ITGBL1: variants seen among roughly 807,000 people sequenced by gnomAD.
The protein encoded by ITGBL1 is integrin subunit beta like 1.
Under a neutral mutation model 68.5 loss-of-function variants are expected in ITGBL1, and 51 were observed. That is an observed-to-expected ratio of 0.74 (90% CI 0.59 to 0.94). The LOEUF (loss-of-function observed/expected upper bound fraction) is 0.94, where lower values mean the gene tolerates loss of function less well. Ranked by LOEUF, ITGBL1 falls within the 40% of genes least tolerant of loss-of-function variation. The pLI is 0.00. For synonymous variants in ITGBL1, 209 were observed against 227.3 expected, an observed-to-expected ratio of 0.92 and a Z score of 0.72; for missense variants, 649 against 647.4, an observed-to-expected ratio of 1.00 and a Z score of -0.03.
At chr13:101,486,269 A>T (rs1173736896) in intron 2 of ITGBL1, among the ~76,000 whole-genome samples, 1 of 152,218 alleles carries the variant, frequency 6.6e-6, no homozygotes, top group African/African-American at 2.4e-5. Flanking sequence ...GTTCTCACTT[A>T]TAAGTAGGAG....
At chr13:101,623,730 T>C (rs2031672664) in intron 7 of ITGBL1, among the ~76,000 whole-genome samples, 1 of 152,214 alleles carries the variant, frequency 6.6e-6, no homozygotes, top group Non-Finnish European at 1.5e-5. Context: ...GGGAGACTCA[T>C]GATTTAAAAG....
At chr13:101,465,290 G>C (rs2048368774) in intron 2 of ITGBL1, among the ~76,000 whole-genome samples, 1 of 152,000 alleles carries the variant, frequency 6.6e-6, no homozygotes, top group African/African-American at 2.4e-5. Context: ...CCAAAATTAG[G>C]TTTCATTGGA....
intron 7 of ITGBL1, among the ~76,000 whole-genome samples, chr13:101,606,135 G>A (rs542363396): frequency 2.0e-4 from 28 of 141,520 alleles, no homozygotes; most frequent in African/African-American, 4.2e-4. Flanking sequence ...TAGCCTTCAC[G>A]TGGTCCCTGA....
chr13:101,566,639 TA>T (rs1418005734), intron 2 of ITGBL1, among the ~76,000 whole-genome samples: 6 of 152,290 alleles, frequency 3.9e-5, no homozygotes, highest in Admixed American at 1.3e-4. Flanking sequence ...AAGCCATTCA[TA>T]CTGACCAACC....
chr13:101,601,454 T>C (rs2030377596), intron 7 of ITGBL1, among the ~76,000 whole-genome samples: 1 of 152,196 alleles, frequency 6.6e-6, no homozygotes, highest in African/African-American at 2.4e-5. Flanking sequence ...GCTCTGATCT[T>C]AGTTATTTCC....
rs892010695 is a variant in ITGBL1, at chr13:101,716,000, C to T, written c.*346C>T. On this transcript the variant is annotated 3_prime_UTR_variant, in exon 11 of 11. Transcript: ENST00000376180. Reference sequence around the variant, plus strand: ...CTGCAGACATTTGGTGGGTAGAGGCCAGGGATGCTGCTGAGCATCCCGCAG... The same window carrying T: ...CTGCAGACATTTGGTGGGTAGAGGCTAGGGATGCTGCTGAGCATCCCGCAG... 9.0e-5 allele frequency: 23 copies of T among 256,110 alleles called. No homozygotes were observed. Among genetic ancestry groups the T allele is most frequent in the Non-Finnish European group, 1.5e-4 (19 of 130,132 alleles). The allele number at this position is 256,110 out of a possible 1,614,324, so 15.9% of individuals were successfully genotyped here. A position where few individuals can be genotyped will look rare whatever the true frequency, so the allele number is the denominator to read the frequency against.
intron 2 of ITGBL1, among the ~76,000 whole-genome samples, chr13:101,529,835 C>A (rs577699497): frequency 1.1e-4 from 17 of 152,288 alleles, no homozygotes; most frequent in African/African-American, 4.1e-4. Context: ...CCAAGTAGAA[C>A]TGTGAGTCAA....
chr13:101,456,263 A>T (rs1214655763), intron 2 of ITGBL1, among the ~76,000 whole-genome samples: 8 of 152,216 alleles, frequency 5.3e-5, no homozygotes, highest in African/African-American at 1.9e-4. Flanking sequence ...GATGCCCATC[A>T]AAACTTACTC....
chr13:101,692,602 A>G lies in ITGBL1; in HGVS notation c.1033A>G (p.Lys345Glu), dbSNP rs763935160. ...CTTTCCAGGTAAATGTGAATGTGGCAAATGCACCTGCTATCCTCCAGGAGA... is the reference window on the plus strand; with the variant it reads ...CTTTCCAGGTAAATGTGAATGTGGCGAATGCACCTGCTATCCTCCAGGAGA... ...CSGRGKCECG[K>E]CTCYPPGDRR... The change falls in exon 8 of 11, where the codon AAA (lysine) becomes GAA (glutamate). Residue 345 changes from lysine (K) to glutamate (E), a missense_variant. Coordinates refer to ENST00000376180, the MANE Select transcript of ITGBL1 (RefSeq NM_004791.3). The G allele has an allele frequency of 3.1e-6, 5 of 1,613,252 alleles. No homozygotes were observed. In the African/African-American group the frequency reaches 4.0e-5, roughly 13 times the overall value.
chr13:101,652,300 C>T (rs2032778471), intron 7 of ITGBL1, among the ~76,000 whole-genome samples: 1 of 151,174 alleles, frequency 6.6e-6, no homozygotes, highest in African/African-American at 2.4e-5. Flanking sequence ...TGCCACCACA[C>T]CTAGTTAATT....
At chr13:101,677,221 G>C (rs1223579803) in intron 7 of ITGBL1, among the ~76,000 whole-genome samples, 2 of 152,114 alleles carry the variant, frequency 1.3e-5, no homozygotes, top group African/African-American at 4.8e-5. Context: ...GAAGAAAGCA[G>C]AAATTCATTT....
intron 7 of ITGBL1, among the ~76,000 whole-genome samples, chr13:101,666,539 A>G (rs541853558): frequency 2.0e-5 from 3 of 148,458 alleles, no homozygotes; most frequent in African/African-American, 7.5e-5. Flanking sequence ...TTCACTTTTG[A>G]TTTTTTCTTC....
chr13:101,537,899 A>G (rs1225914040), intron 2 of ITGBL1, among the ~76,000 whole-genome samples: 1 of 152,044 alleles, frequency 6.6e-6, no homozygotes, highest in Admixed American at 6.6e-5. Flanking sequence ...AGAATTATAC[A>G]ATAATTTCAT....
chr13:101,682,746 CT>C (rs2033673188), intron 7 of ITGBL1, among the ~76,000 whole-genome samples: 1 of 151,416 alleles, frequency 6.6e-6, no homozygotes, highest in South Asian at 2.1e-4. Context: ...ATATTTTGTC[CT>C]TGTTTATTGT....
At chr13:101,665,236 A>G (rs2033186096) in intron 7 of ITGBL1, among the ~76,000 whole-genome samples, 1 of 152,168 alleles carries the variant, frequency 6.6e-6, no homozygotes, top group Admixed American at 6.5e-5. Context: ...CTATAAATCA[A>G]TTGACAGAAT....
At chr13:101,698,347 C>T (rs2034050530) in intron 8 of ITGBL1, among the ~76,000 whole-genome samples, 1 of 152,186 alleles carries the variant, frequency 6.6e-6, no homozygotes, top group Non-Finnish European at 1.5e-5. Context: ...TGTTTATCCC[C>T]TTTCCTACCA....
chr13:101,640,558 G>A (rs541449992), intron 7 of ITGBL1, among the ~76,000 whole-genome samples: 3 of 152,100 alleles, frequency 2.0e-5, no homozygotes, highest in South Asian at 2.1e-4. Flanking sequence ...ACAGAAGAAC[G>A]CACACTTTTC....
At chr13:101,601,393 G>T (rs1055404277) in intron 7 of ITGBL1, among the ~76,000 whole-genome samples, 10 of 152,062 alleles carry the variant, frequency 6.6e-5, no homozygotes, top group African/African-American at 2.4e-4. Context: ...CCAGCTCCTG[G>T]ATTCATTGAT....
At chr13:101,701,041 C>T (rs2034124956) in intron 8 of ITGBL1, among the ~76,000 whole-genome samples, 4 of 152,108 alleles carry the variant, frequency 2.6e-5, no homozygotes, top group Admixed American at 2.6e-4. Flanking sequence ...TAATACAATT[C>T]CTGATACATA....
Sources: allele counts gnomAD v4.1 joint callset (sites outside exome capture counted in the v4.1 genomes callset), GRCh38; gene constraint gnomAD v4.1.1; transcripts MANE v1.5; gene names NCBI Gene and HGNC (gene_info 2026-07-23, HGNC 2026-07-21).